The following RBBP8 variants were observed in gnomAD, a reference collection of about 807,000 sequenced individuals.
RBBP8 encodes the protein RB binding protein 8, endonuclease.
A neutral mutation model predicts 108.3 loss-of-function variants in RBBP8; 88 were observed. The observed-to-expected ratio is 0.81, with a 90% CI of 0.68 to 0.97. RBBP8 has a LOEUF of 0.97. RBBP8 is among the 50% of genes least tolerant of loss of function. The pLI, the probability that RBBP8 is intolerant of heterozygous loss-of-function variation, is 0.00. For missense variants in RBBP8, 1,023 were observed against 1,049.0 expected (o/e 0.98, Z 0.34); for synonymous variants, 332 against 348.2 (o/e 0.95, Z 0.52).
chr18:22,935,894 T>A (rs2144390693), intron 1 of RBBP8, among the ~76,000 whole-genome samples: 1 of 152,330 alleles, frequency 6.6e-6, no homozygotes, highest in Middle Eastern at 3.4e-3. Context: ...GTTTCTGTAT[T>A]CATAGATCTT....
At chr18:22,937,264 T>C (rs1910656557) in intron 2 of RBBP8, 1 of 382,722 alleles carries the variant, frequency 2.6e-6, no homozygotes, top group African/African-American at 2.1e-5. Flanking sequence ...TTTGTGTCCA[T>C]GTGTACTAAA....
chr18:22,946,571 A>G, intron 3 of RBBP8, 85 bp downstream of exon 3: 1 of 1,562,538 alleles, frequency 6.4e-7, no homozygotes, highest in Non-Finnish European at 8.7e-7. Context: ...AGTAGTTGAT[A>G]CTGATGTCCA....
intron 4 of RBBP8, among the ~76,000 whole-genome samples, chr18:22,960,443 T>A (rs746036974): frequency 6.6e-6 from 1 of 152,096 alleles, no homozygotes; most frequent in East Asian, 1.9e-4. Context: ...CTACTCAGGC[T>A]GCTGAGGTGG....
intron 3 of RBBP8, among the ~76,000 whole-genome samples, chr18:22,948,124 G>T (rs1332792648): frequency 6.6e-6 from 1 of 151,978 alleles, no homozygotes; most frequent in African/African-American, 2.4e-5. Flanking sequence ...AATATTTACT[G>T]TATTTTATGA....
chr18:23,026,380 A>T lies in RBBP8; in HGVS notation c.*140A>T. ...CAGTTTTCTATTGAAAATGTTTGTG[A>T]TATTTTGCTTTTGCACCTTTAAAAC... On this transcript the variant is annotated 3_prime_UTR_variant, in exon 19 of 19. Transcript: ENST00000327155. 1 of 846,256 alleles carries T rather than the reference A, an allele frequency of 1.2e-6. No individual in the cohort carries two copies. The highest frequency in any genetic ancestry group is 1.9e-6 in the Non-Finnish European group (1 of 529,548). 52.4% of individuals were successfully genotyped at this position (846,256 alleles called of 1,614,324 possible).
chr18:22,927,975 G>T (rs1318727100), intron 3 of RBBP8, among the ~76,000 whole-genome samples: 1 of 151,486 alleles, frequency 6.6e-6, no homozygotes, highest in South Asian at 2.1e-4. Context: ...TTGGGAGGCC[G>T]AGGAGGGTGG....
intron 16 of RBBP8, among the ~76,000 whole-genome samples, chr18:23,013,401 A>T (rs1230743796): frequency 2.0e-5 from 3 of 152,178 alleles, no homozygotes; most frequent in Non-Finnish European, 2.9e-5. Flanking sequence ...TCACAAGATC[A>T]ATTGAACCAG....
intron 2 of RBBP8, among the ~76,000 whole-genome samples, chr18:22,941,672 G>T (rs756468393): frequency 4.6e-5 from 7 of 151,932 alleles, no homozygotes; most frequent in Non-Finnish European, 8.8e-5. Context: ...TTATGTAGTA[G>T]ATAATTCCTT....
At chr18:22,925,231 G>A (rs908757563) in intron 3 of RBBP8, among the ~76,000 whole-genome samples, 13 of 152,062 alleles carry the variant, frequency 8.5e-5, no homozygotes, top group Non-Finnish European at 1.8e-4. Context: ...CTGTCACCAA[G>A]AGTATGAACT....
chr18:22,954,276 C>T (rs754052353), intron 4 of RBBP8, among the ~76,000 whole-genome samples: 29 of 152,156 alleles, frequency 1.9e-4, no homozygotes, highest in Non-Finnish European at 3.7e-4. Context: ...CGCCTGTGAG[C>T]CTGTAAAATC....
At chr18:22,979,362 A>G (rs1202822958) in intron 6 of RBBP8, among the ~76,000 whole-genome samples, 1 of 152,066 alleles carries the variant, frequency 6.6e-6, no homozygotes, top group Non-Finnish European at 1.5e-5. Flanking sequence ...ATAATTAGAC[A>G]TTAGCTCTAA....
At chr18:22,964,839 T>G (rs1412186499) in intron 4 of RBBP8, among the ~76,000 whole-genome samples, 1 of 152,046 alleles carries the variant, frequency 6.6e-6, no homozygotes, top group Non-Finnish European at 1.5e-5. Context: ...TCAGAATATT[T>G]CCTTTTATGG....
chr18:23,000,437 C>A (rs1193684989), intron 14 of RBBP8, among the ~76,000 whole-genome samples: 2 of 151,968 alleles, frequency 1.3e-5, no homozygotes, highest in African/African-American at 4.8e-5. Flanking sequence ...TTTGCTACTT[C>A]ATTACAAAAA....
chr18:22,958,874 T>C (rs565236857), intron 4 of RBBP8, among the ~76,000 whole-genome samples: 1 of 152,340 alleles, frequency 6.6e-6, no homozygotes, highest in East Asian at 1.9e-4. Flanking sequence ...TTTCTTGGGC[T>C]AAAAAACTTC....
rs746058802 is a variant in RBBP8 at position 22,936,960 on chromosome 18, G to A, written c.109G>A (p.Gly37Ser). Residue 37 changes from glycine (G) to serine (S), a missense_variant and splice_region_variant, in exon 2 of 19, where the codon GGT becomes AGT. Gly to Ser is a moderately conservative substitution (Grantham distance 56). Coordinates refer to ENST00000327155, the MANE Select transcript of RBBP8 (RefSeq NM_002894.3). ...AGAATGTCATGATAGAGAAGTACAA[G>A]GTAAAATCTTTTCTTAAATACTTAC... Reference protein sequence around the residue: ...LKECHDREVQGLQVKVTKLKQ... With the variant: ...LKECHDREVQSLQVKVTKLKQ... 1 of 1,613,856 alleles carries A rather than the reference G, an allele frequency of 6.2e-7. No individual in the cohort carries two copies. Among genetic ancestry groups the A allele is most frequent in the Non-Finnish European group, 8.5e-7 (1 of 1,179,944 alleles).
chr18:22,967,657 T>C (rs1471770154), intron 4 of RBBP8, among the ~76,000 whole-genome samples: 1 of 150,750 alleles, frequency 6.6e-6, no homozygotes, highest in African/African-American at 2.4e-5. Flanking sequence ...TTTTTTTTTT[T>C]TTTTTTTGAG....
chr18:22,915,929 A>T (rs1360345659), intron 2 of RBBP8, among the ~76,000 whole-genome samples: 1 of 152,082 alleles, frequency 6.6e-6, no homozygotes, highest in Non-Finnish European at 1.5e-5. Flanking sequence ...AGGATTTTAC[A>T]ATTTTCATTT....
At chr18:22,931,503 G>A (rs1910028277), upstream of RBBP8, among the ~76,000 whole-genome samples, 1 of 152,148 alleles carries the variant, frequency 6.6e-6, no homozygotes, top group African/African-American at 2.4e-5. Flanking sequence ...AGGTGGAGGA[G>A]GGAAGATGTA....
chr18:23,022,654 A>AAATAAAAT (rs2046381526), intron 18 of RBBP8, among the ~76,000 whole-genome samples: 1 of 43,380 alleles, frequency 2.3e-5, no homozygotes, highest in African/African-American at 4.0e-5. Context: ...AATACAATAT[A>AAATAAAAT]AAATAAAATA....
Sources: gnomAD v4.1 joint callset for allele counts (sites outside exome capture counted in the v4.1 genomes callset) on GRCh38, gnomAD v4.1.1 for gene constraint, MANE v1.5 for transcripts, NCBI Gene and HGNC (gene_info 2026-07-23, HGNC 2026-07-21) for gene names.